The following PRUNE2 variants were observed in gnomAD, a reference collection of about 807,000 sequenced individuals.
The protein encoded by PRUNE2 is protein prune homolog 2.
In PRUNE2, 164 loss-of-function variants were observed where a neutral mutation model predicts 252.0. That is an observed-to-expected ratio of 0.65 (90% CI 0.57 to 0.74). The LOEUF (loss-of-function observed/expected upper bound fraction) is 0.74. Ranked by LOEUF, PRUNE2 falls within the 30% of genes least tolerant of loss-of-function variation. The pLI is 0.00. For missense variants in PRUNE2, 3,495 were observed against 3,711.0 expected (o/e 0.94, Z 1.51); for synonymous variants, 1,292 against 1,350.2 (o/e 0.96, Z 0.94).
At chr9:76,769,392 A>G (rs1012546172) in intron 6 of PRUNE2, among the ~76,000 whole-genome samples, 6 of 152,188 alleles carry the variant, frequency 3.9e-5, no homozygotes, top group African/African-American at 1.4e-4. Flanking sequence ...TCCTTCCTCT[A>G]TTGATGGACA....
At chr9:76,687,709 G>C (rs570422639) in intron 9 of PRUNE2, 1 of 292,410 alleles carries the variant, frequency 3.4e-6, no homozygotes, top group South Asian at 2.8e-5. Context: ...TGTTAGCCTC[G>C]GGGGAGGCTG....
At chr9:76,670,430 AC>A (rs1289739304) in intron 9 of PRUNE2, among the ~76,000 whole-genome samples, 326 of 152,074 alleles carry the variant, frequency 2.1e-3, no homozygotes, top group Non-Finnish European at 4.0e-3. Context: ...GATTGCTAGC[AC>A]AGCAGTCTGA....
chr9:76,765,623 T>C (rs982909631), intron 6 of PRUNE2, among the ~76,000 whole-genome samples: 3 of 152,154 alleles, frequency 2.0e-5, no homozygotes, highest in Non-Finnish European at 4.4e-5. Flanking sequence ...TATCCATCCA[T>C]CCCTCCACCC....
intron 9 of PRUNE2, among the ~76,000 whole-genome samples, chr9:76,661,911 G>A (rs551869897): frequency 2.7e-5 from 4 of 150,718 alleles, no homozygotes; most frequent in African/African-American, 7.3e-5. Flanking sequence ...CTTACCATAC[G>A]TGATGTCTCA....
At chr9:76,627,938 TC>T in intron 16 of PRUNE2, 1 of 273,042 alleles carries the variant, frequency 3.7e-6, no homozygotes, top group South Asian at 3.1e-5. Context: ...ATTCTTTCCT[TC>T]CAGTTTCTAG....
At chr9:76,758,180 G>T (rs2051338171) in intron 6 of PRUNE2, among the ~76,000 whole-genome samples, 1 of 152,186 alleles carries the variant, frequency 6.6e-6, no homozygotes, top group Non-Finnish European at 1.5e-5. Flanking sequence ...CGTTTTGTAA[G>T]CTTATAGTAT....
At chr9:76,847,987 G>A (rs1271052567) in intron 3 of PRUNE2, among the ~76,000 whole-genome samples, 1 of 152,102 alleles carries the variant, frequency 6.6e-6, no homozygotes, top group Non-Finnish European at 1.5e-5. Context: ...AATATGGCTG[G>A]GCATGGTGGC....
At chr9:76,902,006 C>T (rs771088997) in intron 1 of PRUNE2, among the ~76,000 whole-genome samples, 1 of 152,116 alleles carries the variant, frequency 6.6e-6, no homozygotes, top group Non-Finnish European at 1.5e-5. Context: ...GTGATCTCCA[C>T]CCATTAACAG....
chr9:76,618,882 A>G (rs888884939), intron 18 of PRUNE2, among the ~76,000 whole-genome samples: 2 of 152,230 alleles, frequency 1.3e-5, no homozygotes, highest in South Asian at 2.1e-4. Context: ...CAGGATGGCA[A>G]TCCTCTAAAT....
chr9:76,851,688 C>A (rs2059970052), intron 2 of PRUNE2, among the ~76,000 whole-genome samples: 1 of 152,134 alleles, frequency 6.6e-6, no homozygotes, highest in South Asian at 2.1e-4. Flanking sequence ...AATTCATTTA[C>A]AAGCCAGCTT....
At chr9:76,857,241 T>A (rs113734144) in intron 1 of PRUNE2, 1 of 422,074 alleles carries the variant, frequency 2.4e-6, no homozygotes, top group Non-Finnish European at 4.7e-6. Context: ...AAATGTACCA[T>A]CTTGGTGCCC....
intron 6 of PRUNE2, among the ~76,000 whole-genome samples, chr9:76,771,652 T>A (rs1258937981): frequency 6.6e-6 from 1 of 152,116 alleles, no homozygotes. Flanking sequence ...GTTGTACACA[T>A]TGAGTAAATG....
chr9:76,708,960 C>T lies in PRUNE2; in HGVS notation c.3314G>A (p.Arg1105Gln), dbSNP rs373194264. The T allele has an allele frequency of 2.0e-5, 32 of 1,613,908 alleles. No individual in the cohort carries two copies. Among genetic ancestry groups the T allele is most frequent in the East Asian group, 1.6e-4 (7 of 44,874 alleles). ...GTCGAGACTGTCAGGGGCCGTCTGC[C>T]GGGAGTTGGTGCTGCTGTGCAAAAG... ...LTLLHSSTNSRQTAPDSLDLW... is the reference protein window; with the variant it reads ...LTLLHSSTNSQQTAPDSLDLW... Residue 1105 changes from arginine (R) to glutamine (Q), a missense_variant, in exon 8 of 19, where the codon CGG becomes CAG. Physicochemically the swap from Arg to Gln is conservative, Grantham distance 43. Transcript: ENST00000376718.
At chr9:76,663,510 A>T (rs539033534) in intron 9 of PRUNE2, among the ~76,000 whole-genome samples, 19 of 150,050 alleles carry the variant, frequency 1.3e-4, no homozygotes, top group African/African-American at 4.7e-4. Flanking sequence ...CCAGGGTCAG[A>T]TTCTAAAATT....
At chr9:76,747,125 C>T (rs1208265553) in intron 6 of PRUNE2, among the ~76,000 whole-genome samples, 6 of 152,122 alleles carry the variant, frequency 3.9e-5, no homozygotes, top group Non-Finnish European at 5.9e-5. Context: ...GATGAATAGG[C>T]TTGTGCAACT....
chr9:76,662,311 G>A (rs1002400166), intron 9 of PRUNE2, among the ~76,000 whole-genome samples: 3 of 152,210 alleles, frequency 2.0e-5, no homozygotes, highest in African/African-American at 7.2e-5. Context: ...TCCAATTTGA[G>A]AATGAAGCCC....
intron 17 of PRUNE2, among the ~76,000 whole-genome samples, chr9:76,622,475 G>A (rs1333404169): frequency 2.0e-5 from 3 of 152,068 alleles, no homozygotes; most frequent in Non-Finnish European, 4.4e-5. Context: ...TTTATGACAG[G>A]TTTGTCTGAA....
At chr9:76,778,061 T>C (rs551904757) in intron 6 of PRUNE2, among the ~76,000 whole-genome samples, 2 of 152,354 alleles carry the variant, frequency 1.3e-5, no homozygotes, top group South Asian at 4.1e-4. Flanking sequence ...TTCCCAACCT[T>C]GGCTGCACAT....
At chr9:76,867,792 C>T (rs1489511051) in intron 1 of PRUNE2, among the ~76,000 whole-genome samples, 1 of 152,050 alleles carries the variant, frequency 6.6e-6, no homozygotes, top group African/African-American at 2.4e-5. Flanking sequence ...AGGTTGGTCT[C>T]GAACTCCTGA....
Sources: gnomAD v4.1 joint callset for allele counts (sites outside exome capture counted in the v4.1 genomes callset) on GRCh38, gnomAD v4.1.1 for gene constraint, MANE v1.5 for transcripts, NCBI Gene and HGNC (gene_info 2026-07-23, HGNC 2026-07-21) for gene names.